The following CDH18 variants were observed in gnomAD, a reference collection of about 807,000 sequenced individuals.
CDH18 encodes the protein cadherin 18.
Under a neutral mutation model 67.9 loss-of-function variants are expected in CDH18, and 31 were observed. That is an observed-to-expected ratio of 0.46 (90% CI 0.34 to 0.62). CDH18 has a LOEUF of 0.62. Ranked by LOEUF, CDH18 falls within the 20% of genes least tolerant of loss-of-function variation. The pLI is 0.01. For synonymous variants in CDH18, 362 were observed against 347.2 expected (o/e 1.04, Z -0.48); for missense variants, 890 against 975.5 (o/e 0.91, Z 1.17).
chr5:19,612,365 T>A, intron 6 of CDH18, 69 bp downstream of exon 6: 1 of 1,464,122 alleles, frequency 6.8e-7, no homozygotes, highest in Non-Finnish European at 9.5e-7. Context: ...ATAACACTGT[T>A]CAAGTATTTC....
At chr5:20,366,825 G>A (rs987959682) in intron 1 of CDH18, among the ~76,000 whole-genome samples, 1 of 152,180 alleles carries the variant, frequency 6.6e-6, no homozygotes, top group Admixed American at 6.5e-5. Context: ...GCTAGGACAT[G>A]TAGTTTAGCA....
At chr5:19,543,132 T>C (rs1269552886) in intron 9 of CDH18, among the ~76,000 whole-genome samples, 1 of 152,164 alleles carries the variant, frequency 6.6e-6, no homozygotes, top group Non-Finnish European at 1.5e-5. Context: ...TTGGTACTTT[T>C]GGTCTACTTA....
rs985521145 is a variant in CDH18 at position 19,756,266 on chromosome 5, A to G, written c.229-9030T>C. 2.6e-5 allele frequency among the ~76,000 whole-genome samples: 4 copies of G among 152,236 alleles called. No individual in the cohort carries two copies. In the East Asian group the frequency reaches 7.7e-4, roughly 29 times the overall value. On this transcript the variant is annotated intron_variant, in intron 3 of 12. Coordinates refer to ENST00000382275, the MANE Select transcript of CDH18 (RefSeq NM_004934.5). ...AATAAAATAAAGATATTTTCTTCAT[A>G]CAAGTGTATACATGTACAAATATTT...
intron 2 of CDH18, among the ~76,000 whole-genome samples, chr5:20,237,251 AC>A (rs1197275990): frequency 6.6e-6 from 1 of 151,972 alleles, no homozygotes; most frequent in Admixed American, 6.6e-5. Flanking sequence ...TTTTTCTTTC[AC>A]CCTAAGAAGA....
intron 3 of CDH18, among the ~76,000 whole-genome samples, chr5:19,760,853 T>G (rs1480875304): frequency 6.6e-6 from 1 of 152,134 alleles, no homozygotes; most frequent in East Asian, 1.9e-4. Context: ...CCATCACTGT[T>G]GCCGTTGCCT....
intron 4 of CDH18, among the ~76,000 whole-genome samples, chr5:19,735,284 T>C (rs1768153024): frequency 6.6e-6 from 1 of 152,210 alleles, no homozygotes; most frequent in Admixed American, 6.5e-5. Context: ...AGTGTATTTT[T>C]AGTTATAAAG....
chr5:19,671,930 G>C (rs1191369397), intron 5 of CDH18, among the ~76,000 whole-genome samples: 1 of 152,068 alleles, frequency 6.6e-6, no homozygotes, highest in East Asian at 1.9e-4. Context: ...GATGCAACAA[G>C]AAATACTGGC....
chr5:19,890,426 G>T (rs2150081740), intron 2 of CDH18, among the ~76,000 whole-genome samples: 1 of 152,104 alleles, frequency 6.6e-6, no homozygotes, highest in Non-Finnish European at 1.5e-5. Flanking sequence ...AATCTTTGGG[G>T]GACTACCATT....
intron 1 of CDH18, among the ~76,000 whole-genome samples, chr5:20,513,156 A>G (rs571006209): frequency 6.6e-6 from 1 of 152,194 alleles, no homozygotes; most frequent in African/African-American, 2.4e-5. Context: ...CTCTAAAACT[A>G]GTCTTCCTTT....
chr5:19,901,947 C>A (rs1789980655), intron 2 of CDH18, among the ~76,000 whole-genome samples: 1 of 151,844 alleles, frequency 6.6e-6, no homozygotes, highest in South Asian at 2.1e-4. Context: ...TCTCTGAAAA[C>A]ATCATGATAC....
intron 1 of CDH18, among the ~76,000 whole-genome samples, chr5:20,444,418 C>T (rs182817162): frequency 6.6e-6 from 1 of 152,242 alleles, no homozygotes; most frequent in East Asian, 1.9e-4. Flanking sequence ...TGCCTGTAAT[C>T]CCAGCTACTT....
rs868173255 is a variant in CDH18, at chr5:19,755,442, T to C, written c.229-8206A>G. Among the ~76,000 whole-genome samples the C allele has an allele frequency of 2.9e-3, 28 of 9,494 alleles. 2 individuals carry two copies. The East Asian group carries it at 0.44, about 151-fold the overall frequency. The allele number at this position is 9,494 out of a possible 152,430, so 6.2% of individuals were successfully genotyped here. On this transcript the variant is annotated intron_variant, in intron 3 of 12. Transcript: ENST00000382275. ...AACTAACAGGGTATGTATATATATA[T>C]ATATATATATATATATACACACACA...
intron 1 of CDH18, among the ~76,000 whole-genome samples, chr5:20,504,006 C>A (rs1364641632): frequency 1.3e-5 from 2 of 151,302 alleles, no homozygotes; most frequent in Non-Finnish European, 2.9e-5. Flanking sequence ...CCACTGCTCT[C>A]CAGCCTGGGC....
intron 1 of CDH18, among the ~76,000 whole-genome samples, chr5:20,346,712 C>T (rs571159721): frequency 2.6e-4 from 40 of 152,156 alleles, no homozygotes; most frequent in African/African-American, 8.4e-4. Flanking sequence ...CCATTAAGAA[C>T]GTACCAAACA....
At chr5:19,593,556 C>G (rs2150035136) in intron 6 of CDH18, among the ~76,000 whole-genome samples, 1 of 150,938 alleles carries the variant, frequency 6.6e-6, no homozygotes, top group African/African-American at 2.4e-5. Context: ...TCTCCCTCTC[C>G]TCCTCCCTTT....
chr5:20,526,427 T>C (rs1756065651), intron 1 of CDH18, among the ~76,000 whole-genome samples: 3 of 152,054 alleles, frequency 2.0e-5, no homozygotes, highest in African/African-American at 7.3e-5. Flanking sequence ...ACTCCATCCA[T>C]AAGGGGGGCT....
chr5:19,485,348 C>T (rs1465353566), intron 11 of CDH18, among the ~76,000 whole-genome samples: 2 of 151,762 alleles, frequency 1.3e-5, no homozygotes, highest in Admixed American at 6.6e-5. Flanking sequence ...CTCAGCCTCC[C>T]GAGTTCATGC....
chr5:19,533,682 T>G (rs564809327), intron 9 of CDH18, among the ~76,000 whole-genome samples: 1 of 152,124 alleles, frequency 6.6e-6, no homozygotes, highest in African/African-American at 2.4e-5. Flanking sequence ...AAGAACAGTA[T>G]AAGGTCATGT....
chr5:19,774,426 T>TAAAATAAAATAAAATAAAA (rs146014082), intron 3 of CDH18, among the ~76,000 whole-genome samples: 3 of 139,388 alleles, frequency 2.2e-5, no homozygotes, highest in Admixed American at 7.3e-5. Flanking sequence ...TAAAATAAAA[T>TAAAATAAAATAAAATAAAA]TAAAATAAAA....
Sources: allele counts gnomAD v4.1 joint callset (sites outside exome capture counted in the v4.1 genomes callset), GRCh38; gene constraint gnomAD v4.1.1; transcripts MANE v1.5; gene names NCBI Gene and HGNC (gene_info 2026-07-23, HGNC 2026-07-21).